The following CADPS variants were observed in gnomAD, a reference collection of about 807,000 sequenced individuals.
CADPS encodes the protein calcium dependent secretion activator, also known as calcium-dependent secretion activator 1.
CADPS carries 57 observed loss-of-function variants against 167.3 expected under a neutral mutation model. The ratio of observed to expected loss-of-function variants is 0.34; its 90% CI spans 0.28 to 0.42. The LOEUF (loss-of-function observed/expected upper bound fraction) is 0.42, where lower values mean the gene tolerates loss of function less well. CADPS is among the 20% of genes least tolerant of loss of function. The pLI is 1.00. For synonymous variants in CADPS, 676 were observed against 635.3 expected (o/e 1.06, Z -0.96); for missense variants, 1,414 against 1,738.1 (o/e 0.81, Z 3.32).
At chr3:62,795,400 G>A (rs1164013941) in intron 1 of CADPS, among the ~76,000 whole-genome samples, 1 of 151,956 alleles carries the variant, frequency 6.6e-6, no homozygotes. Flanking sequence ...ATGAGGTAGG[G>A]CCCTTGTTTT....
In CADPS at chr3:62,557,654, G is replaced by A. The variant is rs114346066; in HGVS notation, c.1645-141C>T. ...TTTTGCTACCTCCTGGCTGTGTGAC[G>A]TTGAGCATGTTACTTAACCTCTCTG... On this transcript the variant is annotated intron_variant, in intron 9 of 29. Transcript: ENST00000383710. 1,361 of 668,794 alleles carry A rather than the reference G, an allele frequency of 2.0e-3. 16 individuals are homozygous for A. The African/African-American group carries it at 0.021, about 10-fold the overall frequency. The allele number at this position is 668,794 out of a possible 1,614,324, so 41.4% of individuals were successfully genotyped here. A position where few individuals can be genotyped will look rare whatever the true frequency, so the allele number is the denominator to read the frequency against.
chr3:62,706,944 A>G (rs2082417722), intron 3 of CADPS, among the ~76,000 whole-genome samples: 2 of 152,116 alleles, frequency 1.3e-5, no homozygotes, highest in African/African-American at 2.4e-5. Context: ...CTTCCTCACT[A>G]TGTAATATAT....
chr3:62,505,082 T>A (rs970298827), intron 17 of CADPS, among the ~76,000 whole-genome samples: 5 of 151,974 alleles, frequency 3.3e-5, no homozygotes, highest in African/African-American at 1.2e-4. Context: ...GGGGTGGGGG[T>A]AGATAAAAGC....
At chr3:62,568,428 T>C (rs2080695057) in intron 9 of CADPS, among the ~76,000 whole-genome samples, 1 of 152,154 alleles carries the variant, frequency 6.6e-6, no homozygotes, top group African/African-American at 2.4e-5. Context: ...GCTTGCCGAG[T>C]CTTCAGGCTT....
At chr3:62,760,405 A>G (rs1344261895) in intron 2 of CADPS, among the ~76,000 whole-genome samples, 1 of 152,004 alleles carries the variant, frequency 6.6e-6, no homozygotes, top group Admixed American at 6.6e-5. Flanking sequence ...TTTATTTTTA[A>G]TTTATTTAGA....
At chr3:62,722,451 GAACATCTCAT>G (rs2076003584) in intron 3 of CADPS, among the ~76,000 whole-genome samples, 2 of 152,222 alleles carry the variant, frequency 1.3e-5, no homozygotes, top group Admixed American at 6.5e-5. Context: ...AACATCTCAT[GAACATCTCAT>G]GAACATCTCA....
chr3:62,825,781 A>G (rs1165116185), intron 1 of CADPS, among the ~76,000 whole-genome samples: 1 of 152,156 alleles, frequency 6.6e-6, no homozygotes, highest in Non-Finnish European at 1.5e-5. Context: ...TCCGAAAGCA[A>G]AGCAGCTTCC....
rs1210346272 is a variant in CADPS, at chr3:62,492,595, A to G, written c.2728-149T>C. ...TATTGTAAAGAGAACAGAATTTTTG[A>G]TACAATTGGGGTGTTAAGTGTTTAA... On this transcript the variant is annotated intron_variant, in intron 19 of 29. Transcript: ENST00000383710. The G allele has an allele frequency of 5.0e-6, 4 of 801,880 alleles. No individual in the cohort carries two copies. The South Asian group carries it at 6.7e-5, about 13-fold the overall frequency. 49.7% of individuals were successfully genotyped at this position (801,880 alleles called of 1,614,324 possible).
intron 6 of CADPS, among the ~76,000 whole-genome samples, chr3:62,594,823 A>T (rs965672502): frequency 6.6e-6 from 1 of 152,200 alleles, no homozygotes; most frequent in South Asian, 2.1e-4. Flanking sequence ...TGAGATGCCT[A>T]TTCCCAAAAT....
At chr3:62,507,282 C>A (rs1306680778) in intron 17 of CADPS, among the ~76,000 whole-genome samples, 1 of 152,166 alleles carries the variant, frequency 6.6e-6, no homozygotes. Context: ...CTGGCACTAT[C>A]CCCTGCTCTG....
intron 17 of CADPS, among the ~76,000 whole-genome samples, chr3:62,512,197 A>C (rs2067993101): frequency 6.6e-6 from 1 of 152,164 alleles, no homozygotes; most frequent in Non-Finnish European, 1.5e-5. Flanking sequence ...CCAAACAAGA[A>C]GAAAATTTCC....
chr3:62,757,546 G>A (rs556287206), intron 2 of CADPS, among the ~76,000 whole-genome samples: 53 of 152,256 alleles, frequency 3.5e-4, no homozygotes, highest in Non-Finnish European at 6.5e-4. Context: ...CTGGATTGGG[G>A]CGAGAAGGTC....
intron 26 of CADPS, among the ~76,000 whole-genome samples, chr3:62,450,215 A>C (rs762320478): frequency 1.3e-5 from 2 of 152,224 alleles, no homozygotes; most frequent in Non-Finnish European, 1.5e-5. Context: ...CAATTCTGTG[A>C]CACCCTATGC....
chr3:62,491,253 C>T, intron 21 of CADPS, 86 bp downstream of exon 21: 4 of 1,341,648 alleles, frequency 3.0e-6, no homozygotes, highest in Middle Eastern at 2.2e-4. Context: ...AACAGTGAAA[C>T]CCATATGACA....
chr3:62,709,648 C>A (rs1049126396), intron 3 of CADPS, among the ~76,000 whole-genome samples: 2 of 152,060 alleles, frequency 1.3e-5, no homozygotes, highest in Admixed American at 1.3e-4. Context: ...TCAGTCCAGA[C>A]CTATTGAATC....
Position 62,874,521 on chromosome 3 carries a change from C to T in CADPS, c.441+68G>A. ...CTCCTCGCCAGCTGCGCCGCCAGCT[C>T]CCATTGTTCACCCCGCCCGCCTGGC... On this transcript the variant is annotated intron_variant, in intron 1 of 29. Coordinates refer to ENST00000383710, the MANE Select transcript of CADPS (RefSeq NM_003716.4). This position sits in a 1 kb window ranked among gnomAD's most constrained non-coding sequence, Gnocchi z 7.1. The T allele has an allele frequency of 8.0e-7, 1 of 1,250,018 alleles. No individual in the cohort carries two copies. The highest frequency in any genetic ancestry group is 1.1e-6 in the Non-Finnish European group (1 of 885,866). 77.4% of individuals were successfully genotyped at this position (1,250,018 alleles called of 1,614,324 possible).
Position 62,592,906 on chromosome 3 carries a change from C to T in CADPS, c.1326-158G>A, listed in dbSNP as rs114575307. The stretch of plus-strand genomic sequence containing the variant: ...CCTTCAAAGCTGCCAGAGTAACAAA[C>T]GTGTTAATTAACTTGTTAGGCAAAT... On this transcript the variant is annotated intron_variant, in intron 6 of 29. Coordinates refer to ENST00000383710, the MANE Select transcript of CADPS (RefSeq NM_003716.4). Among the ~76,000 whole-genome samples the T allele has an allele frequency of 2.1e-3, 315 of 152,344 alleles. 3 individuals are homozygous for T. Among genetic ancestry groups the T allele is most frequent in the African/African-American group, 7.3e-3 (305 of 41,570 alleles).
At chr3:62,660,212 A>T (rs1390142630) in intron 4 of CADPS, among the ~76,000 whole-genome samples, 2 of 152,188 alleles carry the variant, frequency 1.3e-5, no homozygotes, top group Non-Finnish European at 2.9e-5. Context: ...TAAAGGTGCC[A>T]TGAGCTTGTT....
intron 3 of CADPS, among the ~76,000 whole-genome samples, chr3:62,668,081 T>A (rs9871383): frequency 0.35 from 52,977 of 152,032 alleles, 9,654 homozygotes; most frequent in Middle Eastern, 0.49. Context: ...CCTAGACTCT[T>A]CCAAAGTCAT....
Sources: allele counts gnomAD v4.1 joint callset (sites outside exome capture counted in the v4.1 genomes callset), GRCh38; gene constraint gnomAD v4.1.1; non-coding constraint Gnocchi (gnomAD v3.1); transcripts MANE v1.5; gene names NCBI Gene and HGNC (gene_info 2026-07-23, HGNC 2026-07-21).